The following CLSTN1 variants were observed in gnomAD, a reference collection of about 807,000 sequenced individuals.
The protein encoded by CLSTN1 is calsyntenin 1, also known as calsyntenin-1.
A neutral mutation model predicts 108.3 loss-of-function variants in CLSTN1; 28 were observed. That is an observed-to-expected ratio of 0.26 (90% CI 0.19 to 0.35). The LOEUF (loss-of-function observed/expected upper bound fraction) is 0.35. CLSTN1 is among the 10% of genes least tolerant of loss of function. The pLI is 1.00. For missense variants in CLSTN1, 1,157 were observed against 1,302.6 expected, an observed-to-expected ratio of 0.89 and a Z score of 1.72; for synonymous variants, 524 against 534.9, an observed-to-expected ratio of 0.98 and a Z score of 0.28.
At position 9,730,939 on chromosome 1, in the gene CLSTN1, C is replaced by A. The variant is rs1650347359; in HGVS notation, c.2749-234G>T. Among the ~76,000 whole-genome samples, 1 of 152,200 alleles carries A rather than the reference C, an allele frequency of 6.6e-6. No homozygotes were observed. Among genetic ancestry groups the A allele is most frequent in the Admixed American group, 6.5e-5 (1 of 15,276 alleles). ...AAAGCAGCTTGGGACAGCACCTCAGCTGCCCCACCAGAGAACTCTCTCAGG... is the reference window on the plus strand; with the variant it reads ...AAAGCAGCTTGGGACAGCACCTCAGATGCCCCACCAGAGAACTCTCTCAGG... On this transcript the variant is annotated intron_variant, in intron 18 of 18. Coordinates refer to ENST00000377298, the MANE Select transcript of CLSTN1 (RefSeq NM_001009566.3). This position sits in a 1 kb window ranked among gnomAD's most constrained non-coding sequence, Gnocchi z 5.6.
chr1:9,745,594 C>G (rs1396845589), intron 7 of CLSTN1, among the ~76,000 whole-genome samples: 3 of 151,370 alleles, frequency 2.0e-5, no homozygotes, highest in Non-Finnish European at 4.4e-5. Context: ...GAGGTTGAGG[C>G]TGCAGTGAGC....
intron 2 of CLSTN1, among the ~76,000 whole-genome samples, chr1:9,769,163 A>G (rs1439686284): frequency 2.8e-5 from 4 of 144,980 alleles, no homozygotes; most frequent in Non-Finnish European, 6.1e-5. Flanking sequence ...AAGGGAGGGA[A>G]GGAAGGAGGG....
At position 9,765,338 on chromosome 1, in the gene CLSTN1, C is replaced by A. The variant is rs563546813; in HGVS notation, c.214+7934G>T. Among the ~76,000 whole-genome samples the A allele has an allele frequency of 8.6e-5, 13 of 151,894 alleles. No homozygotes were observed. The South Asian group carries it at 2.3e-3, about 27-fold the overall frequency. On this transcript the variant is annotated intron_variant, in intron 2 of 18. Coordinates refer to ENST00000377298, the MANE Select transcript of CLSTN1 (RefSeq NM_001009566.3). ...GGCGGAGGTTGCGGTGAGCTGAGAT[C>A]GCGTCATTGCACTATAGCCTGGGCG...
At chr1:9,764,435 A>G (rs891716608) in intron 2 of CLSTN1, among the ~76,000 whole-genome samples, 1 of 152,092 alleles carries the variant, frequency 6.6e-6, no homozygotes, top group Non-Finnish European at 1.5e-5. Flanking sequence ...TCTGGGGTTC[A>G]AGGCCAGCCT....
Position 9,735,060 on chromosome 1 carries a change from T to C in CLSTN1, c.1998A>G (p.Ala666=). The C allele has an allele frequency of 1.9e-6, 3 of 1,614,222 alleles. No homozygotes were observed. Among genetic ancestry groups the C allele is most frequent in the Non-Finnish European group, 2.5e-6 (3 of 1,180,042 alleles). The stretch of plus-strand genomic sequence containing the variant: ...CTTCTGAGCTTTCAAATTCAGAAGC[T>C]GCTCGGGCAAAATGGTGGACGCCAC... ...SLSGVHHFAR[A]ASEFESSEGV... The change falls in exon 14 of 19, where the codon GCA becomes GCG. Residue 666 remains alanine (A), a synonymous_variant. Coordinates refer to ENST00000377298, the MANE Select transcript of CLSTN1 (RefSeq NM_001009566.3).
chr1:9,824,521 G>C, upstream of CLSTN1: 1 of 152,430 alleles, frequency 6.6e-6, no homozygotes, highest in African/African-American at 2.4e-5. The surrounding 1 kb of genome is among the most constrained non-coding windows in gnomAD (Gnocchi z 5.0). Flanking sequence ...AGGGGGTCCA[G>C]GAGACGAGGT....
intron 1 of CLSTN1, among the ~76,000 whole-genome samples, chr1:9,779,399 T>A (rs1215517023): frequency 6.6e-6 from 1 of 151,766 alleles, no homozygotes; most frequent in African/African-American, 2.4e-5. Flanking sequence ...ATAGTGAAAC[T>A]CCGTCTCTAC....
intron 15 of CLSTN1, among the ~76,000 whole-genome samples, 180 bp from the exon 16 acceptor site, chr1:9,733,726 C>A (rs1053797597): frequency 6.6e-6 from 1 of 152,174 alleles, no homozygotes; most frequent in African/African-American, 2.4e-5. Context: ...ATTCTTCCCT[C>A]TGTGGGGGAC....
At chr1:9,748,509 A>G (rs1651390915) in intron 7 of CLSTN1, among the ~76,000 whole-genome samples, 1 of 152,178 alleles carries the variant, frequency 6.6e-6, no homozygotes, top group Non-Finnish European at 1.5e-5. Flanking sequence ...TCTTTTTGAG[A>G]CAGGTTCTCA....
rs1445882131 is a variant in CLSTN1, at chr1:9,788,541, C to A, written c.92-15147G>T. Among the ~76,000 whole-genome samples the A allele has an allele frequency of 8.7e-5, 13 of 150,248 alleles. No individual in the cohort carries two copies. In the Admixed American group the frequency reaches 8.8e-4, roughly 10 times the overall value. Reference sequence around the variant, plus strand: ...TGAGATCATGCCACTGTACTCCAGCCTGGGTGACAGAGTGAGACTGTTTCC... The same window carrying A: ...TGAGATCATGCCACTGTACTCCAGCATGGGTGACAGAGTGAGACTGTTTCC... On this transcript the variant is annotated intron_variant, in intron 1 of 18. Coordinates refer to ENST00000377298, the MANE Select transcript of CLSTN1 (RefSeq NM_001009566.3).
chr1:9,783,267 A>G (rs1432943331), intron 1 of CLSTN1, among the ~76,000 whole-genome samples: 1 of 152,210 alleles, frequency 6.6e-6, no homozygotes, highest in Non-Finnish European at 1.5e-5. Context: ...TAAGTAAAGA[A>G]GACTTTGTAA....
chr1:9,729,189 G>A lies in CLSTN1; in HGVS notation c.*1319C>T, dbSNP rs768010232. On this transcript the variant is annotated 3_prime_UTR_variant, in exon 19 of 19. Coordinates refer to ENST00000377298, the MANE Select transcript of CLSTN1 (RefSeq NM_001009566.3). ...GCAGCTACAGGGACGGGACATGGAG[G>A]ATGGCCACACATAGCACAGCCACCA... 6.6e-6 allele frequency: 1 copy of A among 152,282 alleles called. No individual in the cohort carries two copies. The highest frequency in any genetic ancestry group is 1.5e-5 in the Non-Finnish European group (1 of 68,048). 9.4% of individuals were successfully genotyped at this position (152,282 alleles called of 1,614,324 possible).
At chr1:9,765,856 G>C (rs899618496) in intron 2 of CLSTN1, among the ~76,000 whole-genome samples, 1 of 151,944 alleles carries the variant, frequency 6.6e-6, no homozygotes, top group South Asian at 2.1e-4. Context: ...CAGCCTGGGC[G>C]ACACAGCGAG....
chr1:9,769,136 GGA>G (rs990601352), intron 2 of CLSTN1, among the ~76,000 whole-genome samples: 68 of 145,512 alleles, frequency 4.7e-4, no homozygotes, highest in East Asian at 3.7e-3. Flanking sequence ...GAAATGAGAG[GGA>G]GAGAGGGAGG....
At chr1:9,766,661 AAAAT>A (rs1652351276) in intron 2 of CLSTN1, among the ~76,000 whole-genome samples, 1 of 152,246 alleles carries the variant, frequency 6.6e-6, no homozygotes, top group South Asian at 2.1e-4. Context: ...CCCTGTCTCA[AAAAT>A]AAATAGATAA....
At chr1:9,731,628 G>A (rs1650399789) in intron 17 of CLSTN1, 133 bp downstream of exon 17, 2 of 996,276 alleles carry the variant, frequency 2.0e-6, no homozygotes, top group Non-Finnish European at 3.1e-6. Flanking sequence ...TAGTTTCCTT[G>A]TGTGTGATGG....
chr1:9,783,336 T>C (rs1032960655), intron 1 of CLSTN1, among the ~76,000 whole-genome samples: 1 of 152,090 alleles, frequency 6.6e-6, no homozygotes, highest in Non-Finnish European at 1.5e-5. Flanking sequence ...CCCAACACTT[T>C]GGGAGGCCCA....
chr1:9,815,031 G>A (rs144464552), intron 1 of CLSTN1, among the ~76,000 whole-genome samples: 216 of 152,296 alleles, frequency 1.4e-3, no homozygotes, highest in Admixed American at 3.8e-3. Flanking sequence ...ATGTGTCTGG[G>A]TGGCTGTCCC....
chr1:9,758,667 G>A (rs1275415520), intron 2 of CLSTN1, among the ~76,000 whole-genome samples: 1 of 152,148 alleles, frequency 6.6e-6, no homozygotes, highest in African/African-American at 2.4e-5. Flanking sequence ...CATCCTTGCT[G>A]GTATAGGTAG....
Sources: allele counts gnomAD v4.1 joint callset (sites outside exome capture counted in the v4.1 genomes callset), GRCh38; gene constraint gnomAD v4.1.1; non-coding constraint Gnocchi (gnomAD v3.1); transcripts MANE v1.5; gene names NCBI Gene and HGNC (gene_info 2026-07-23, HGNC 2026-07-21).